Variants in AGO3 observed in about 807,000 individuals in gnomAD.
AGO3 encodes the protein argonaute RISC catalytic component 3, also known as protein argonaute-3.
AGO3 carries 16 observed loss-of-function variants against 105.5 expected under a neutral mutation model. The observed-to-expected ratio is 0.15, with a 90% CI of 0.10 to 0.23. The LOEUF (loss-of-function observed/expected upper bound fraction) is 0.23, where lower values mean the gene tolerates loss of function less well. Among genes scored for constraint, AGO3 ranks in the 10% least tolerant of loss-of-function variants. The pLI is 1.00. For missense variants in AGO3, 534 were observed against 1,088.0 expected (o/e 0.49, Z 7.16); for synonymous variants, 340 against 367.3 (o/e 0.93, Z 0.85).
At chr1:35,978,348 C>T (rs1041793779) in intron 5 of AGO3, among the ~76,000 whole-genome samples, 2 of 152,100 alleles carry the variant, frequency 1.3e-5, no homozygotes, top group Admixed American at 1.3e-4. Context: ...TGCCACGACA[C>T]CCAGCTAATT....
At chr1:35,963,789 A>C (rs1646721594) in intron 2 of AGO3, among the ~76,000 whole-genome samples, 1 of 152,186 alleles carries the variant, frequency 6.6e-6, no homozygotes, top group East Asian at 1.9e-4. Flanking sequence ...CTAGTATAAG[A>C]AATACTGCAA....
chr1:35,965,636 T>C (rs1443228298), intron 2 of AGO3, among the ~76,000 whole-genome samples: 1 of 151,988 alleles, frequency 6.6e-6, no homozygotes, highest in African/African-American at 2.4e-5. Flanking sequence ...TAAAATTTAC[T>C]CTAGAAGAGG....
chr1:35,978,888 G>A (rs1006844796), intron 5 of AGO3, among the ~76,000 whole-genome samples: 19 of 151,922 alleles, frequency 1.3e-4, no homozygotes, highest in Admixed American at 1.3e-4. Flanking sequence ...CTAATATGTA[G>A]TATTTTTATT....
At chr1:35,961,132 T>C (rs1280897113) in intron 2 of AGO3, among the ~76,000 whole-genome samples, 1 of 151,530 alleles carries the variant, frequency 6.6e-6, no homozygotes, top group Non-Finnish European at 1.5e-5. Flanking sequence ...TTTGTATTTT[T>C]AGTTGAGACA....
At chr1:36,002,927 C>T (rs150473972) in intron 5 of AGO3, among the ~76,000 whole-genome samples, 13,138 of 151,898 alleles carry the variant, frequency 0.086, 1,999 homozygotes, top group East Asian at 0.67. Flanking sequence ...AAAAATTAGC[C>T]GGGTGTGGTG....
rs767146504 is a variant in AGO3 at position 36,055,653 on chromosome 1, G to A, written c.2491G>A (p.Val831Ile). The change falls in exon 19 of 19, where the codon GTT (valine) becomes ATT (isoleucine). Residue 831 changes from valine to isoleucine, a missense_variant. This residue lies in a region of AGO3 where 373 missense variants were observed against 854.0 expected (regional missense o/e 0.44). Coordinates refer to ENST00000373191, the MANE Select transcript of AGO3 (RefSeq NM_024852.4). This position sits in a 1 kb window ranked among gnomAD's most constrained non-coding sequence, Gnocchi z 4.4. ...CTCTTACAGTGCTGAAGGAAGTCAC[G>A]TTTCAGGACAAAGCAATGGGCGAGA... ...KEHDSAEGSHVSGQSNGRDPQ... is the reference protein window; with the variant it reads ...KEHDSAEGSHISGQSNGRDPQ... The A allele has an allele frequency of 1.6e-5, 25 of 1,611,812 alleles. No homozygotes were observed. Among genetic ancestry groups the A allele is most frequent in the Middle Eastern group, 1.6e-4 (1 of 6,080 alleles).
intron 11 of AGO3, among the ~76,000 whole-genome samples, chr1:36,016,870 A>G (rs564407268): frequency 6.6e-6 from 1 of 152,256 alleles, no homozygotes; most frequent in South Asian, 2.1e-4. Context: ...GAGTGACTCC[A>G]TTTTGGTTTG....
At chr1:35,985,890 ATAGG>A (rs1288647807) in intron 5 of AGO3, among the ~76,000 whole-genome samples, 1 of 152,218 alleles carries the variant, frequency 6.6e-6, no homozygotes, top group Non-Finnish European at 1.5e-5. Context: ...AAATTGAAAA[ATAGG>A]TAGTTCTCAA....
At chr1:35,988,550 C>G (rs1647324903) in intron 5 of AGO3, among the ~76,000 whole-genome samples, 1 of 151,888 alleles carries the variant, frequency 6.6e-6, no homozygotes, top group Non-Finnish European at 1.5e-5. Flanking sequence ...CTGTGTCTTG[C>G]TTATTTTATT....
At chr1:35,949,085 A>G (rs1646422425) in intron 2 of AGO3, among the ~76,000 whole-genome samples, 1 of 152,144 alleles carries the variant, frequency 6.6e-6, no homozygotes, top group African/African-American at 2.4e-5. Context: ...CTGGAATTAC[A>G]GGCATGTGCC....
intron 2 of AGO3, among the ~76,000 whole-genome samples, chr1:35,959,830 CTT>C (rs1272966773): frequency 1.3e-5 from 2 of 151,992 alleles, no homozygotes; most frequent in Admixed American, 1.3e-4. Flanking sequence ...ATTTGGAAGA[CTT>C]CAGTATAATT....
rs1298057935 is a variant in AGO3 at position 36,058,195 on chromosome 1, T to C, written c.*2450T>C. 1 of 152,206 alleles carries C rather than the reference T, an allele frequency of 6.6e-6. No homozygotes were observed. Among genetic ancestry groups the C allele is most frequent in the Non-Finnish European group, 1.5e-5 (1 of 68,030 alleles). 9.4% of individuals were successfully genotyped at this position (152,206 alleles called of 1,614,324 possible). On this transcript the variant is annotated 3_prime_UTR_variant, in exon 19 of 19. Transcript: ENST00000373191. ...ATGCAAGATGATATTTTAAAACTTT[T>C]GCTAATGTATCACCAGTATAACTTT... is the stretch of plus-strand genomic sequence containing the variant.
intron 17 of AGO3, among the ~76,000 whole-genome samples, chr1:36,047,092 A>G (rs1642504930): frequency 6.6e-6 from 1 of 152,148 alleles, no homozygotes. Context: ...TAAAAATACA[A>G]AATTAGCTGG....
intron 1 of AGO3, among the ~76,000 whole-genome samples, chr1:35,937,386 C>CAAA (rs59539094): frequency 1.5e-5 from 2 of 130,650 alleles, no homozygotes; most frequent in East Asian, 2.0e-4. Flanking sequence ...CTGGGCAACT[C>CAAA]AAAAAAAAAA....
chr1:35,945,635 AG>A, intron 1 of AGO3, 56 bp from the exon 2 acceptor site: 1 of 1,553,454 alleles, frequency 6.4e-7, no homozygotes, highest in East Asian at 2.2e-5. Context: ...CTGGTTGACA[AG>A]GCTTTGGAAT....
At chr1:35,989,873 CA>C (rs573957642) in intron 5 of AGO3, among the ~76,000 whole-genome samples, 4 of 145,812 alleles carry the variant, frequency 2.7e-5, no homozygotes, top group Non-Finnish European at 4.5e-5. Flanking sequence ...GACCCTGTCT[CA>C]AAAAAAAAAT....
chr1:36,027,325 T>C lies in AGO3; in HGVS notation c.1591+27T>C. ...TAAGGATATCTTAAGACTGCATTTT[T>C]CCTCAAGTACTTGATGTCCTTTTAG... On this transcript the variant is annotated intron_variant, in intron 12 of 18. Transcript: ENST00000373191. The surrounding 1 kb of genome is among the most constrained non-coding windows in gnomAD (Gnocchi z 4.0). 1 of 1,560,938 alleles carries C rather than the reference T, an allele frequency of 6.4e-7. No homozygotes were observed.
intron 14 of AGO3, among the ~76,000 whole-genome samples, chr1:36,036,581 T>C (rs1642019443): frequency 6.6e-6 from 1 of 152,208 alleles, no homozygotes; most frequent in African/African-American, 2.4e-5. Context: ...CAGTAATGTC[T>C]TTGTCATAGA....
intron 2 of AGO3, among the ~76,000 whole-genome samples, chr1:35,954,486 T>C (rs1184409299): frequency 6.6e-6 from 1 of 152,228 alleles, no homozygotes; most frequent in Non-Finnish European, 1.5e-5. Flanking sequence ...TGCTCCAGTT[T>C]GTTAGGTTAA....
Sources: allele counts gnomAD v4.1 joint callset (sites outside exome capture counted in the v4.1 genomes callset), GRCh38; gene constraint gnomAD v4.1.1; regional missense constraint gnomAD v4.1.1; non-coding constraint Gnocchi (gnomAD v3.1); transcripts MANE v1.5; gene names NCBI Gene and HGNC (gene_info 2026-07-23, HGNC 2026-07-21).